The following PTPRF variants were observed in gnomAD, a reference collection of about 807,000 sequenced individuals.
PTPRF encodes the protein protein tyrosine phosphatase receptor type F.
A neutral mutation model predicts 201.8 loss-of-function variants in PTPRF; 59 were observed. The observed-to-expected ratio is 0.29, with a 90% CI of 0.24 to 0.36. PTPRF has a LOEUF of 0.36. Ranked by LOEUF, PTPRF falls within the 10% of genes least tolerant of loss-of-function variation. PTPRF has a pLI of 1.00. For missense variants in PTPRF, 2,132 were observed against 2,690.5 expected, an observed-to-expected ratio of 0.79 and a Z score of 4.59; for synonymous variants, 1,088 against 1,089.7, an observed-to-expected ratio of 1.00 and a Z score of 0.03.
At chr1:43,558,275 C>G (rs1383570033) in intron 5 of PTPRF, among the ~76,000 whole-genome samples, 1 of 152,064 alleles carries the variant, frequency 6.6e-6, no homozygotes, top group Admixed American at 6.5e-5. Context: ...GATCAGTGTG[C>G]CCCCAAAAAG....
Position 43,591,786 on chromosome 1 carries a change from G to A in PTPRF, c.1532-26G>A, listed in dbSNP as rs754939634. 6 of 1,612,050 alleles carry A rather than the reference G, an allele frequency of 3.7e-6. No homozygotes were observed. The East Asian group carries it at 1.3e-4, about 36-fold the overall frequency. On this transcript the variant is annotated intron_variant, in intron 9 of 33. Coordinates refer to ENST00000359947, the MANE Select transcript of PTPRF (RefSeq NM_002840.5). ...CCCCTGACCTCACGCAGATGAGGCT[G>A]ACCTGCCTGGTGTGGGGTGTTGCAG...
chr1:43,602,169 T>A (rs1478308158), intron 14 of PTPRF, 72 bp downstream of exon 14: 1 of 1,529,742 alleles, frequency 6.5e-7, no homozygotes, highest in East Asian at 2.2e-5. Flanking sequence ...CTCCTCTCCC[T>A]CCTTTCCTGC....
intron 1 of PTPRF, among the ~76,000 whole-genome samples, chr1:43,532,404 A>T (rs1442987739): frequency 6.6e-6 from 1 of 152,220 alleles, no homozygotes; most frequent in African/African-American, 2.4e-5. Context: ...GCCACAGGGC[A>T]GGGCCGGGAG....
chr1:43,538,412 A>C, intron 2 of PTPRF, 135 bp downstream of exon 2: 1 of 396,926 alleles, frequency 2.5e-6, no homozygotes, highest in Non-Finnish European at 4.4e-6. Flanking sequence ...GACATGATCC[A>C]GTGTGCACTG....
chr1:43,593,896 G>C (rs893778222), intron 11 of PTPRF, among the ~76,000 whole-genome samples: 1 of 152,036 alleles, frequency 6.6e-6, no homozygotes, highest in African/African-American at 2.4e-5. Flanking sequence ...TGAGGCAGGA[G>C]AATCACTTGA....
intron 22 of PTPRF, among the ~76,000 whole-genome samples, chr1:43,610,036 C>T (rs1656070859): frequency 2.0e-5 from 3 of 152,196 alleles, no homozygotes; most frequent in South Asian, 4.1e-4. Flanking sequence ...TGTTACTCCT[C>T]CCAACACCCA....
At chr1:43,555,001 C>T (rs941374553) in intron 5 of PTPRF, among the ~76,000 whole-genome samples, 21 of 151,676 alleles carry the variant, frequency 1.4e-4, no homozygotes, top group African/African-American at 4.6e-4. Context: ...TACAGGCATG[C>T]GCCACCATGC....
intron 5 of PTPRF, among the ~76,000 whole-genome samples, chr1:43,558,667 G>GCGGCGGCTGAATCACTCCCCCTCCAACC (rs1645566772): frequency 6.6e-6 from 1 of 152,210 alleles, no homozygotes; most frequent in Non-Finnish European, 1.5e-5. Flanking sequence ...CACTCTTGAG[G>GCGGCGGCTGAATCACTCCCCCTCCAACC]CGGCGGCTGA....
chr1:43,620,384 C>T, intron 30 of PTPRF, 70 bp from the exon 31 acceptor site: 1 of 1,536,966 alleles, frequency 6.5e-7, no homozygotes, highest in Admixed American at 1.8e-5. Flanking sequence ...GTCCCAGAAT[C>T]CTGTGAAGCC....
At position 43,616,145 on chromosome 1, in the gene PTPRF, A is replaced by G. The variant is rs1179939530; in HGVS notation, c.4072-1300A>G. 2.0e-5 allele frequency among the ~76,000 whole-genome samples: 3 copies of G among 151,600 alleles called. No homozygotes were observed. In the East Asian group the frequency reaches 5.8e-4, roughly 29 times the overall value. ...GCAGTGACGCGGTCCTGTGGAGAGT[A>G]ATGAGGCTGGGGACAACATATGGAG... is the stretch of plus-strand genomic sequence containing the variant. On this transcript the variant is annotated intron_variant, in intron 23 of 33. Coordinates refer to ENST00000359947, the MANE Select transcript of PTPRF (RefSeq NM_002840.5).
At position 43,602,065 on chromosome 1, in the gene PTPRF, G is replaced by T. The variant is rs750321259; in HGVS notation, c.2314-6G>T. Reference sequence around the variant, plus strand: ...GTCTCCCTTTCTCTCCCTCTCCCGCGGTCAGTGGCGGCCAGAGGAGTCCGA... The same window carrying T: ...GTCTCCCTTTCTCTCCCTCTCCCGCTGTCAGTGGCGGCCAGAGGAGTCCGA... On this transcript the variant is annotated splice_region_variant and splice_polypyrimidine_tract_variant and intron_variant, in intron 13 of 33. Transcript: ENST00000359947. 48 of 1,612,622 alleles carry T rather than the reference G, an allele frequency of 3.0e-5. No homozygotes were observed. The highest frequency in any genetic ancestry group is 4.1e-5 in the Non-Finnish European group (48 of 1,178,768).
intron 7 of PTPRF, chr1:43,579,496 C>G: frequency 3.0e-6 from 1 of 335,722 alleles, no homozygotes; most frequent in South Asian, 2.4e-5. Context: ...GTTATGTTGC[C>G]TCGGGTGAGC....
At chr1:43,570,014 C>T (rs1646461793) in intron 6 of PTPRF, among the ~76,000 whole-genome samples, 1 of 152,192 alleles carries the variant, frequency 6.6e-6, no homozygotes, top group African/African-American at 2.4e-5. Flanking sequence ...CAGTTCTGCC[C>T]CTCCCAGCAC....
intron 21 of PTPRF, among the ~76,000 whole-genome samples, chr1:43,608,833 A>G (rs1344587732): frequency 2.6e-5 from 4 of 152,230 alleles, no homozygotes; most frequent in East Asian, 3.9e-4. Context: ...GCTGAATCCT[A>G]TGGTCTGTCT....
At position 43,619,247 on chromosome 1, in the gene PTPRF, G is replaced by C. The variant is rs777925549; in HGVS notation, c.4647-41G>C. On this transcript the variant is annotated intron_variant, in intron 27 of 33. Transcript: ENST00000359947. ...CCCAGAGGGGTGGGTGGGGTGGGAG[G>C]TGGGGGCGCCTGTGCCTCAAGCTGA... 3.1e-6 allele frequency: 5 copies of C among 1,607,992 alleles called. No individual in the cohort carries two copies. The African/African-American group carries it at 6.7e-5, about 21-fold the overall frequency.
Position 43,593,309 on chromosome 1 carries a change from T to C in PTPRF, c.1813+708T>C, listed in dbSNP as rs577374560. On this transcript the variant is annotated intron_variant, in intron 11 of 33. Coordinates refer to ENST00000359947, the MANE Select transcript of PTPRF (RefSeq NM_002840.5). ...TGACCAGCTGGCTGTGCAGCACCTG[T>C]GTATGTGCATCAGTGGATCTTGGGC... 2.6e-5 allele frequency among the ~76,000 whole-genome samples: 4 copies of C among 152,254 alleles called. No homozygotes were observed. The South Asian group carries it at 8.3e-4, about 32-fold the overall frequency.
Position 43,619,730 on chromosome 1 carries a change from G to A in PTPRF, c.4983G>A (p.Leu1661=). ...CGTCCCGCTTCATCAGCGCCAACCT[G>A]CCCTGCAACAAGTTCAAGAACCGGC... The part of the protein sequence containing the change: ...AHTSRFISAN[L]PCNKFKNRLV... The change falls in exon 29 of 34, where the codon CTG becomes CTA. Residue 1661 remains leucine (L), a synonymous_variant. Transcript: ENST00000359947. 1 of 1,614,234 alleles carries A rather than the reference G, an allele frequency of 6.2e-7. No homozygotes were observed. Among genetic ancestry groups the A allele is most frequent in the Non-Finnish European group, 8.5e-7 (1 of 1,180,028 alleles).
At chr1:43,612,716 T>A in intron 22 of PTPRF, 1 of 1,339,400 alleles carries the variant, frequency 7.5e-7, no homozygotes, top group Non-Finnish European at 9.9e-7. Context: ...ACGGGCTTTC[T>A]TTTCTTGCCC....
chr1:43,532,163 C>T (rs1045337616), intron 1 of PTPRF, among the ~76,000 whole-genome samples: 8 of 152,182 alleles, frequency 5.3e-5, no homozygotes, highest in Non-Finnish European at 1.2e-4. Context: ...CTTGGTGTCT[C>T]TGCACTCTCT....
Sources: allele counts gnomAD v4.1 joint callset (sites outside exome capture counted in the v4.1 genomes callset), GRCh38; gene constraint gnomAD v4.1.1; transcripts MANE v1.5; gene names NCBI Gene and HGNC (gene_info 2026-07-23, HGNC 2026-07-21).